Variants in COL11A1 observed in about 807,000 individuals in gnomAD.
COL11A1 encodes the protein collagen alpha-1(XI) chain.
A neutral mutation model predicts 265.2 loss-of-function variants in COL11A1; 74 were observed. That is an observed-to-expected ratio of 0.28 (90% CI 0.23 to 0.34). The LOEUF (loss-of-function observed/expected upper bound fraction) is 0.34, where lower values mean the gene tolerates loss of function less well. Ranked by LOEUF, COL11A1 falls within the 10% of genes least tolerant of loss-of-function variation. COL11A1 has a pLI of 1.00. For missense variants in COL11A1, 2,165 were observed against 2,263.6 expected (o/e 0.96, Z 0.88); for synonymous variants, 816 against 727.6 (o/e 1.12, Z -1.96).
At chr1:102,934,907 G>A (rs1191236303) in intron 45 of COL11A1, among the ~76,000 whole-genome samples, 153 bp downstream of exon 45, 2 of 152,124 alleles carry the variant, frequency 1.3e-5, no homozygotes, top group Non-Finnish European at 2.9e-5. Flanking sequence ...GAATCAGCAC[G>A]GCTAGCTATA....
intron 37 of COL11A1, among the ~76,000 whole-genome samples, chr1:102,966,816 A>G (rs1661443638): frequency 6.6e-6 from 1 of 152,148 alleles, no homozygotes; most frequent in Non-Finnish European, 1.5e-5. Context: ...GAACTCCTCC[A>G]TTCCCAACTA....
At chr1:103,034,540 G>A (rs1176988897) in intron 4 of COL11A1, among the ~76,000 whole-genome samples, 1 of 151,784 alleles carries the variant, frequency 6.6e-6, no homozygotes, top group Non-Finnish European at 1.5e-5. Context: ...AGTATTTTTA[G>A]TAGTATATAT....
intron 59 of COL11A1, 92 bp from the exon 60 acceptor site, chr1:102,889,011 A>G: frequency 1.7e-6 from 2 of 1,193,614 alleles, no homozygotes; most frequent in Non-Finnish European, 2.5e-6. Context: ...AACAGCATAC[A>G]CTGTAAAATT....
At chr1:103,003,516 A>T (rs1229410968) in intron 20 of COL11A1, among the ~76,000 whole-genome samples, 2 of 152,188 alleles carry the variant, frequency 1.3e-5, no homozygotes, top group Non-Finnish European at 2.9e-5. Flanking sequence ...CATATGAATC[A>T]CTTGGGGAAT....
At chr1:103,042,387 T>A (rs2102058430) in intron 4 of COL11A1, among the ~76,000 whole-genome samples, 1 of 152,214 alleles carries the variant, frequency 6.6e-6, no homozygotes, top group African/African-American at 2.4e-5. Context: ...CTGGCATAAT[T>A]TATGTGAAAG....
intron 4 of COL11A1, among the ~76,000 whole-genome samples, chr1:103,050,177 A>T (rs1200537592): frequency 1.3e-5 from 2 of 152,160 alleles, no homozygotes; most frequent in African/African-American, 4.8e-5. Flanking sequence ...GTTCTCCTGG[A>T]TAATATCCTG....
chr1:103,102,305 G>A (rs1558058373), intron 1 of COL11A1, among the ~76,000 whole-genome samples: 2 of 152,086 alleles, frequency 1.3e-5, no homozygotes, highest in Admixed American at 6.6e-5. Context: ...CATGTAGAAA[G>A]TGCGTTAGTG....
chr1:103,014,467 CAG>C (rs771491757), intron 13 of COL11A1, 42 bp downstream of exon 13: 11 of 1,467,616 alleles, frequency 7.5e-6, no homozygotes, highest in Admixed American at 1.7e-5. Context: ...ATACTTGATA[CAG>C]AGTCAGTCAT....
Position 103,082,475 on chromosome 1 carries a change from T to C in COL11A1, c.274+330A>G, listed in dbSNP as rs562306737. ...AGCTCTACCTAATTACAAGTAGAAA[T>C]AGGCTAGATATAAAATGTTGTCTCC... is the stretch of plus-strand genomic sequence containing the variant. On this transcript the variant is annotated intron_variant, in intron 2 of 66. Coordinates refer to ENST00000370096, the MANE Select transcript of COL11A1 (RefSeq NM_001854.4). 5.3e-5 allele frequency among the ~76,000 whole-genome samples: 8 copies of C among 152,148 alleles called. No individual in the cohort carries two copies. The South Asian group carries it at 1.7e-3, about 32-fold the overall frequency.
At chr1:103,031,586 A>G (rs1668001083) in intron 4 of COL11A1, among the ~76,000 whole-genome samples, 1 of 152,126 alleles carries the variant, frequency 6.6e-6, no homozygotes, top group African/African-American at 2.4e-5. Flanking sequence ...TTAAAAGTCA[A>G]CACATTTTAA....
chr1:103,030,471 C>T (rs1283608725), intron 5 of COL11A1, among the ~76,000 whole-genome samples: 1 of 151,776 alleles, frequency 6.6e-6, no homozygotes, highest in Non-Finnish European at 1.5e-5. Flanking sequence ...AAGAAAAATA[C>T]TACCTGATTC....
At chr1:103,103,715 C>T (rs1674474731) in intron 1 of COL11A1, among the ~76,000 whole-genome samples, 1 of 148,370 alleles carries the variant, frequency 6.7e-6, no homozygotes, top group African/African-American at 2.4e-5. Flanking sequence ...TGTAATTTCA[C>T]ATATGGTAAT....
intron 41 of COL11A1, among the ~76,000 whole-genome samples, chr1:102,960,779 T>G (rs1660831108): frequency 6.6e-6 from 1 of 151,916 alleles, no homozygotes; most frequent in Non-Finnish European, 1.5e-5. Flanking sequence ...GGGGTTGAAC[T>G]ATGAAGATGA....
chr1:103,037,461 G>A (rs982828724), intron 4 of COL11A1, among the ~76,000 whole-genome samples: 2 of 152,046 alleles, frequency 1.3e-5, no homozygotes, highest in African/African-American at 2.4e-5. Flanking sequence ...CCACTGAATT[G>A]CACAGCAAAG....
At chr1:102,924,747 T>C (rs1656396721) in intron 46 of COL11A1, among the ~76,000 whole-genome samples, 1 of 152,152 alleles carries the variant, frequency 6.6e-6, no homozygotes, top group African/African-American at 2.4e-5. Context: ...ACTAAAGAAA[T>C]TCAGTTACAT....
At chr1:103,009,622 T>G (rs1665936052) in intron 14 of COL11A1, among the ~76,000 whole-genome samples, 1 of 152,152 alleles carries the variant, frequency 6.6e-6, no homozygotes, top group South Asian at 2.1e-4. Flanking sequence ...TGAAATACTG[T>G]GTGTTCTAAA....
Position 102,920,345 on chromosome 1 carries a change from C to G in COL11A1, c.3728G>C (p.Gly1243Ala), listed in dbSNP as rs1340972566. 1 of 1,613,196 alleles carries G rather than the reference C, an allele frequency of 6.2e-7. No individual in the cohort carries two copies. Among genetic ancestry groups the G allele is most frequent in the Non-Finnish European group, 8.5e-7 (1 of 1,179,372 alleles). Residue 1243 changes from glycine (G) to alanine (A), a missense_variant, in exon 49 of 67, where the codon GGG (glycine) becomes GCG (alanine). Coordinates refer to ENST00000370096, the MANE Select transcript of COL11A1 (RefSeq NM_001854.4). ...NGADGPQGPP[G>A]SVGSVGGVGE... ...AACACCACCAACTGAACCAACAGAC[C>G]CTGGGGGTCCTTGTGGTCCCTGCAG...
chr1:102,992,062 T>C (rs1044543079), intron 28 of COL11A1, among the ~76,000 whole-genome samples: 2 of 152,176 alleles, frequency 1.3e-5, no homozygotes, highest in Non-Finnish European at 2.9e-5. Flanking sequence ...AAATCACTTA[T>C]AGACTCTGAC....
At chr1:102,923,234 A>C in intron 47 of COL11A1, 102 bp downstream of exon 47, 1 of 972,884 alleles carries the variant, frequency 1.0e-6, no homozygotes, top group Non-Finnish European at 1.6e-6. Flanking sequence ...TATACACCTC[A>C]ATAATATATA....
Sources: gnomAD v4.1 joint callset for allele counts (sites outside exome capture counted in the v4.1 genomes callset) on GRCh38, gnomAD v4.1.1 for gene constraint, MANE v1.5 for transcripts, NCBI Gene and HGNC (gene_info 2026-07-23, HGNC 2026-07-21) for gene names.